The following PARP12 variants were observed in gnomAD, a reference collection of about 807,000 sequenced individuals.
PARP12 encodes poly(ADP-ribose) polymerase family member 12.
A neutral mutation model predicts 72.4 loss-of-function variants in PARP12; 59 were observed. That is an observed-to-expected ratio of 0.81 (90% confidence interval 0.66 to 1.01). The LOEUF is 1.01. Among genes scored for constraint, PARP12 ranks in the 50% least tolerant of loss-of-function variants. The pLI is 0.00. For missense variants in PARP12, 851 were observed against 914.0 expected, an observed-to-expected ratio of 0.93 and a Z score of 0.89; for synonymous variants, 403 against 371.4, an observed-to-expected ratio of 1.09 and a Z score of -0.98.
chr7:140,048,792 G>A (rs1254426320), intron 4 of PARP12, among the ~76,000 whole-genome samples: 2 of 152,160 alleles, frequency 1.3e-5, no homozygotes, highest in Non-Finnish European at 1.5e-5. Flanking sequence ...AAGGTAGAAA[G>A]CCATGCTAGC....
At chr7:140,057,682 T>G in intron 2 of PARP12, 1 of 595,342 alleles carries the variant, frequency 1.7e-6, no homozygotes, top group Non-Finnish European at 2.9e-6. Context: ...CGCACAGCTA[T>G]CCATGGCATC....
intron 1 of PARP12, among the ~76,000 whole-genome samples, chr7:140,059,383 C>T (rs865850980): frequency 8.0e-5 from 12 of 149,204 alleles, no homozygotes; most frequent in Middle Eastern, 3.5e-3. Flanking sequence ...CACACACACA[C>T]ACAGAGCCCT....
At chr7:140,027,476 C>T in intron 9 of PARP12, 70 bp from the exon 10 acceptor site, 26 of 1,575,346 alleles carry the variant, frequency 1.7e-5, no homozygotes, top group East Asian at 2.3e-5. Context: ...CTTCCCAAAG[C>T]TTCTTGTAAA....
chr7:140,034,064 A>G, intron 8 of PARP12, 171 bp downstream of exon 8: 2 of 1,300,314 alleles, frequency 1.5e-6, no homozygotes, highest in Non-Finnish European at 2.0e-6. Context: ...CCACAGGGTA[A>G]TTCCCACTCT....
intron 6 of PARP12, among the ~76,000 whole-genome samples, chr7:140,039,430 CA>C (rs1301425923): frequency 6.6e-6 from 1 of 152,122 alleles, no homozygotes; most frequent in Non-Finnish European, 1.5e-5. Flanking sequence ...AAGCAAAAAG[CA>C]AAGAGTTTTT....
chr7:140,039,683 T>C (rs1013912401), intron 6 of PARP12, among the ~76,000 whole-genome samples: 3 of 152,144 alleles, frequency 2.0e-5, no homozygotes, highest in Non-Finnish European at 2.9e-5. Flanking sequence ...AAAACTGTTT[T>C]GAAGTGGCAA....
chr7:140,060,286 C>T (rs1265206546), intron 1 of PARP12, among the ~76,000 whole-genome samples: 2 of 152,274 alleles, frequency 1.3e-5, no homozygotes, highest in Admixed American at 6.5e-5. Flanking sequence ...CCACCAGGCT[C>T]AATGCCTCCT....
chr7:140,035,953 CGAGGAGGAGGAGGAGGACGAGGAGGAG>C (rs1816153619), intron 7 of PARP12, among the ~76,000 whole-genome samples: 6 of 20,992 alleles, frequency 2.9e-4, no homozygotes, highest in African/African-American at 1.8e-3. Context: ...AGGAGGAGGA[CGAGGAGGAGGAGGAGGACGAGGAGGAG>C]GAGGAGGAGG....
Position 140,028,630 on chromosome 7 carries a change from GC to G in PARP12, c.1479del (p.Pro494GlnfsTer159). On this transcript the variant is annotated frameshift_variant, in exon 9 of 12. Transcript: ENST00000263549. LOFTEE classifies it high-confidence loss of function. ...TCCCCTACCTGAAAGCCTGGGTCTGGCAGGGCAGAGGAGTCCCAATAGTCTG... is the reference window on the plus strand; with the variant it reads ...TCCCCTACCTGAAAGCCTGGGTCTGGAGGGCAGAGGAGTCCCAATAGTCTG... ...SIPDYWDSSALPDPGFQKITL... is the reference protein window; with the variant it reads ...SIPDYWDSSAXPDPGFQKITL... 6.3e-7 allele frequency: 1 copy of G among 1,599,026 alleles called. No homozygotes were observed. Among genetic ancestry groups the G allele is most frequent in the Non-Finnish European group, 8.5e-7 (1 of 1,172,344 alleles).
Position 140,058,019 on chromosome 7 carries a change from A to G in PARP12, c.342T>C (p.Asn114=). ...KFLRAGKNCR[N]SHSLTTEHNL... ...TGTGTTCGGTTGTCAAGCTGTGACT[A>G]TTCCTACAGTTCTTCCTGCAAAGAA... The change falls in exon 2 of 12, where the codon AAT becomes AAC. Residue 114 remains asparagine (N), a synonymous_variant. Transcript: ENST00000263549. The G allele has an allele frequency of 4.3e-6, 7 of 1,614,240 alleles. No homozygotes were observed. The highest frequency in any genetic ancestry group is 5.9e-6 in the Non-Finnish European group (7 of 1,180,034).
intron 6 of PARP12, chr7:140,038,240 C>T (rs753844985): frequency 9.1e-6 from 9 of 985,432 alleles, no homozygotes; most frequent in Non-Finnish European, 1.1e-5. Context: ...TGGTCTTACC[C>T]GTCTATTCAC....
chr7:140,056,923 A>G lies in PARP12; in HGVS notation c.693T>C (p.His231=). The part of the protein sequence containing the change: ...SRLPTIYRNA[H]DIKNKSSAPS... Reference sequence around the variant, plus strand: ...GGGCAGAGCTCTTATTCTTGATGTCATGTGCATTTCTATAAATGGTAGGCA... The same window carrying G: ...GGGCAGAGCTCTTATTCTTGATGTCGTGTGCATTTCTATAAATGGTAGGCA... Residue 231 remains histidine, a synonymous_variant, in exon 3 of 12, where the codon CAT becomes CAC. Transcript: ENST00000263549. 1 of 1,613,902 alleles carries G rather than the reference A, an allele frequency of 6.2e-7. No individual in the cohort carries two copies. The highest frequency in any genetic ancestry group is 8.5e-7 in the Non-Finnish European group (1 of 1,180,002).
rs1204396841 is a variant in PARP12, at chr7:140,024,166, G to A, written c.*394C>T. The stretch of plus-strand genomic sequence containing the variant: ...CACCGGTGGCTACTGTGTCATTCTG[G>A]AAAAACTATGATGCCATGAGACTCT... On this transcript the variant is annotated 3_prime_UTR_variant, in exon 12 of 12. Coordinates refer to ENST00000263549, the MANE Select transcript of PARP12 (RefSeq NM_022750.4). The A allele has an allele frequency of 3.3e-6, 1 of 304,340 alleles. No homozygotes were observed. Among genetic ancestry groups the A allele is most frequent in the African/African-American group, 2.2e-5 (1 of 45,590 alleles). 18.9% of individuals were successfully genotyped at this position (304,340 alleles called of 1,614,324 possible). A position where few individuals can be genotyped will look rare whatever the true frequency, so the allele number is the denominator to read the frequency against.
intron 6 of PARP12, among the ~76,000 whole-genome samples, chr7:140,040,267 C>T (rs1199142758): frequency 6.6e-6 from 1 of 152,176 alleles, no homozygotes; most frequent in East Asian, 1.9e-4. Flanking sequence ...CCTGACCAAA[C>T]CCAGAGAGCT....
At chr7:140,036,617 C>G (rs1167412848) in intron 7 of PARP12, among the ~76,000 whole-genome samples, 2 of 152,178 alleles carry the variant, frequency 1.3e-5, no homozygotes, top group Non-Finnish European at 2.9e-5. Context: ...CTTCACTATA[C>G]TCCACATAGA....
intron 4 of PARP12, among the ~76,000 whole-genome samples, chr7:140,053,066 A>G (rs541775530): frequency 2.2e-4 from 31 of 143,978 alleles, no homozygotes; most frequent in Non-Finnish European, 2.2e-4. Context: ...AGTCAATCAC[A>G]TGACATAACC....
intron 2 of PARP12, chr7:140,057,585 G>A: frequency 2.5e-6 from 1 of 399,754 alleles, no homozygotes; most frequent in South Asian, 4.4e-5. Flanking sequence ...AGGGCTTAAA[G>A]CATCTTAGAG....
intron 7 of PARP12, among the ~76,000 whole-genome samples, chr7:140,037,284 A>G (rs1043648553): frequency 1.3e-5 from 2 of 152,216 alleles, no homozygotes; most frequent in African/African-American, 4.8e-5. Context: ...AGATCACGCC[A>G]TTGCACTCCA....
chr7:140,038,203 T>C, intron 6 of PARP12: 1 of 985,480 alleles, frequency 1.0e-6, no homozygotes, highest in African/African-American at 1.7e-5. Context: ...TCTGGAGTGC[T>C]GCTTGACTGG....
Sources: allele counts gnomAD v4.1 joint callset (sites outside exome capture counted in the v4.1 genomes callset), GRCh38; gene constraint gnomAD v4.1.1; transcripts MANE v1.5; gene names NCBI Gene and HGNC (gene_info 2026-07-23, HGNC 2026-07-21).